OLFM4: variants seen among roughly 807,000 people sequenced by gnomAD.
The protein encoded by OLFM4 is olfactomedin 4.
Under a neutral mutation model 25.5 loss-of-function variants are expected in OLFM4, and 22 were observed. That is an observed-to-expected ratio of 0.86 (90% CI 0.62 to 1.23). OLFM4 has a LOEUF of 1.23. OLFM4 is among the 50% of genes most tolerant of loss of function. The pLI, the probability that OLFM4 is intolerant of heterozygous loss-of-function variation, is 0.00. For missense variants in OLFM4, 594 were observed against 619.4 expected (o/e 0.96, Z 0.44); for synonymous variants, 255 against 237.7 (o/e 1.07, Z -0.67).
intron 1 of OLFM4, among the ~76,000 whole-genome samples, chr13:53,032,445 T>C (rs1180181165): frequency 1.3e-5 from 2 of 152,208 alleles, no homozygotes; most frequent in East Asian, 3.9e-4. Flanking sequence ...AGTTGGAGTC[T>C]TTCTATCTTT....
In OLFM4 at chr13:53,050,809, T is replaced by C. The variant is rs1954744518; in HGVS notation, c.*38T>C. ...TTAGGGTGAAAGAGAAAATGTTTGT[T>C]GAAAAAATAGTCTTCTCCACTTACT... On this transcript the variant is annotated 3_prime_UTR_variant, in exon 5 of 5. Coordinates refer to ENST00000219022, the MANE Select transcript of OLFM4 (RefSeq NM_006418.5). 2.6e-6 allele frequency: 4 copies of C among 1,515,690 alleles called. No individual in the cohort carries two copies. The highest frequency in any genetic ancestry group is 3.5e-6 in the Non-Finnish European group (4 of 1,133,298). 93.9% of individuals were successfully genotyped at this position (1,515,690 alleles called of 1,614,324 possible).
rs148183331 is a variant in OLFM4, at chr13:53,042,086, T to C, written c.534T>C (p.Gly178=). ...TCATACAGCTGAAGGAGAGTTTTGG[T>C]GGAAGCTCAGAAATTGTTGACCAGC... The part of the protein sequence containing the change: ...KLVIQLKESF[G]GSSEIVDQLE... Residue 178 remains glycine (G), a synonymous_variant, in exon 3 of 5, where the codon GGT becomes GGC. Transcript: ENST00000219022. 1,480 of 1,613,904 alleles carry C rather than the reference T, an allele frequency of 9.2e-4. 5 individuals are homozygous for C. The highest frequency in any genetic ancestry group is 7.8e-4 in the Non-Finnish European group (926 of 1,179,890).
chr13:53,034,753 G>T (rs7991211), intron 2 of OLFM4, among the ~76,000 whole-genome samples: 111,245 of 152,056 alleles, frequency 0.73, 41,832 homozygotes, highest in East Asian at 0.94. Flanking sequence ...GTGGTACTTA[G>T]GCAGTTGGAA....
At chr13:53,042,864 T>C (rs1954694845) in intron 3 of OLFM4, among the ~76,000 whole-genome samples, 1 of 152,212 alleles carries the variant, frequency 6.6e-6, no homozygotes, top group African/African-American at 2.4e-5. Context: ...AGGATGAGCT[T>C]GGGCTCTATT....
chr13:53,041,109 T>C (rs1398942221), intron 2 of OLFM4, among the ~76,000 whole-genome samples: 3 of 152,080 alleles, frequency 2.0e-5, no homozygotes, highest in East Asian at 3.9e-4. Flanking sequence ...AACCTAGCAA[T>C]CCCTTTACTG....
intron 4 of OLFM4, among the ~76,000 whole-genome samples, chr13:53,044,556 T>C (rs1199334197): frequency 1.3e-5 from 2 of 152,208 alleles, no homozygotes; most frequent in Non-Finnish European, 2.9e-5. Flanking sequence ...TGGATTTTTT[T>C]CCTCCCTCTG....
intron 4 of OLFM4, among the ~76,000 whole-genome samples, chr13:53,048,847 G>T (rs997715294): frequency 1.3e-5 from 2 of 152,146 alleles, no homozygotes; most frequent in Admixed American, 6.5e-5. Flanking sequence ...GGTTTTCTTT[G>T]TTATCCAATA....
rs373556736 is a variant in OLFM4, at chr13:53,050,002, G to A, written c.764G>A (p.Ser255Asn). The change falls in exon 5 of 5, where the codon AGC becomes AAC. Residue 255 changes from serine to asparagine, a missense_variant. Coordinates refer to ENST00000219022, the MANE Select transcript of OLFM4 (RefSeq NM_006418.5). ...GGTCATGGTGGTGTGGTGAACATCA[G>A]CAAACCGTCTGTGGTTCAGCTCAAC... Reference protein sequence around the residue: ...SCGHGGVVNISKPSVVQLNWR... With the variant: ...SCGHGGVVNINKPSVVQLNWR... 20 of 1,610,424 alleles carry A rather than the reference G, an allele frequency of 1.2e-5. No homozygotes were observed. In the African/African-American group the frequency reaches 2.7e-4, roughly 22 times the overall value.
chr13:53,045,863 T>A (rs1373848091), intron 4 of OLFM4, among the ~76,000 whole-genome samples: 1 of 152,202 alleles, frequency 6.6e-6, no homozygotes, highest in African/African-American at 2.4e-5. Context: ...ATTAACTTTT[T>A]TCCCTTAAAA....
rs1954744016 is a variant in OLFM4 at position 53,050,725 on chromosome 13, G to A, written c.1487G>A (p.Gly496Asp). Residue 496 changes from glycine to aspartate, a missense_variant, in exon 5 of 5, where the codon GGT becomes GAT. Transcript: ENST00000219022. ...FDQKLYVYND[G>D]YLLNYDLSVL... is the part of the protein sequence containing the mutation. ...CAGAAACTTTATGTCTATAACGATG[G>A]TTACCTTCTGAATTATGATCTTTCT... 1 of 1,609,482 alleles carries A rather than the reference G, an allele frequency of 6.2e-7. No individual in the cohort carries two copies. Among genetic ancestry groups the A allele is most frequent in the Non-Finnish European group, 8.5e-7 (1 of 1,178,328 alleles).
At chr13:53,044,086 T>C (rs887193233) in intron 4 of OLFM4, among the ~76,000 whole-genome samples, 1 of 152,194 alleles carries the variant, frequency 6.6e-6, no homozygotes, top group African/African-American at 2.4e-5. Context: ...AGAATAATAG[T>C]GCCTGCCTTG....
chr13:53,036,652 A>C (rs1593478732), intron 2 of OLFM4, among the ~76,000 whole-genome samples: 1 of 152,188 alleles, frequency 6.6e-6, no homozygotes, highest in African/African-American at 2.4e-5. Flanking sequence ...CCTAAGAAAA[A>C]AGTTTATCTG....
chr13:53,048,445 T>A (rs1042026564), intron 4 of OLFM4, among the ~76,000 whole-genome samples: 1 of 152,210 alleles, frequency 6.6e-6, no homozygotes, highest in African/African-American at 2.4e-5. Context: ...AAGGAGCATA[T>A]ATTTAATTCT....
Position 53,043,262 on chromosome 13 carries a change from C to T in OLFM4, c.728C>T (p.Pro243Leu), listed in dbSNP as rs1954697469. The T allele has an allele frequency of 6.3e-7, 1 of 1,594,844 alleles. No homozygotes were observed. The highest frequency in any genetic ancestry group is 8.5e-7 in the Non-Finnish European group (1 of 1,172,610). ...CCTGTCGTCCACCCTCCTCCCACTC[C>T]AGGTAAGCATGCCAGTTTTTTTAAC... ...NTPVVHPPPT[P>L]GSCGHGGVVN... The change falls in exon 4 of 5, where the codon CCA (proline) becomes CTA (leucine). Residue 243 changes from proline (P) to leucine (L), a missense_variant and splice_region_variant. Physicochemically the swap from Pro to Leu is moderately conservative, Grantham distance 98 (BLOSUM62 -3). Coordinates refer to ENST00000219022, the MANE Select transcript of OLFM4 (RefSeq NM_006418.5).
At chr13:53,044,317 A>T (rs941441122) in intron 4 of OLFM4, among the ~76,000 whole-genome samples, 1 of 152,314 alleles carries the variant, frequency 6.6e-6, no homozygotes, top group Non-Finnish European at 1.5e-5. Context: ...CTTTAGAGAT[A>T]TCAATGACAC....
At position 53,051,622 on chromosome 13, in the gene OLFM4, T is replaced by G. The variant is rs1294395769; in HGVS notation, c.*851T>G. 3 of 152,124 alleles carry G rather than the reference T, an allele frequency of 2.0e-5. No homozygotes were observed. Among genetic ancestry groups the G allele is most frequent in the Non-Finnish European group, 4.4e-5 (3 of 68,034 alleles). 9.4% of individuals were successfully genotyped at this position (152,124 alleles called of 1,614,324 possible). On this transcript the variant is annotated 3_prime_UTR_variant, in exon 5 of 5. Coordinates refer to ENST00000219022, the MANE Select transcript of OLFM4 (RefSeq NM_006418.5). ...TGGAACTGATCTAAGATTAGAAAAATTAATTTTCTTTAATTTCATTATGAA... is the reference window on the plus strand; with the variant it reads ...TGGAACTGATCTAAGATTAGAAAAAGTAATTTTCTTTAATTTCATTATGAA...
At chr13:53,049,865 A>T (rs1268299075) in intron 4 of OLFM4, 104 bp from the exon 5 acceptor site, 1 of 1,260,728 alleles carries the variant, frequency 7.9e-7, no homozygotes, top group Non-Finnish European at 1.1e-6. Context: ...GAACCTTGAC[A>T]GGAAAAATAT....
intron 1 of OLFM4, among the ~76,000 whole-genome samples, chr13:53,030,401 C>T (rs942773512): frequency 2.6e-5 from 4 of 152,154 alleles, no homozygotes; most frequent in Non-Finnish European, 5.9e-5. Flanking sequence ...CTACCAGGTT[C>T]AAGCGATTGT....
chr13:53,039,397 A>G (rs1954676057), intron 2 of OLFM4, among the ~76,000 whole-genome samples: 1 of 152,202 alleles, frequency 6.6e-6, no homozygotes, highest in Non-Finnish European at 1.5e-5. Context: ...GGTTTTATAT[A>G]TAGTGAGCCC....
Sources: gnomAD v4.1 joint callset for allele counts (sites outside exome capture counted in the v4.1 genomes callset) on GRCh38, gnomAD v4.1.1 for gene constraint, MANE v1.5 for transcripts, NCBI Gene and HGNC (gene_info 2026-07-23, HGNC 2026-07-21) for gene names.